Variants in AP2B1 observed in about 807,000 individuals in gnomAD.
AP2B1 encodes the protein AP-2 complex subunit beta.
A neutral mutation model predicts 102.0 loss-of-function variants in AP2B1; 23 were observed. The observed-to-expected ratio is 0.23, with a 90% CI of 0.16 to 0.32. AP2B1 has a LOEUF of 0.32. AP2B1 is among the 10% of genes least tolerant of loss of function. AP2B1 has a pLI of 1.00. For missense variants in AP2B1, 541 were observed against 1,157.4 expected (o/e 0.47, Z 7.73); for synonymous variants, 381 against 421.2 (o/e 0.90, Z 1.17).
rs587682857 is a variant in AP2B1, at chr17:35,683,985, T to G, written c.2454+1161T>G. 2.4e-4 allele frequency among the ~76,000 whole-genome samples: 37 copies of G among 152,326 alleles called. 2 individuals carry two copies. The South Asian group carries it at 7.5e-3, about 31-fold the overall frequency. ...CAATCAATGCCATAGATGAGTTATATATTCCAAATTTACACTACTTATGTA... is the reference window on the plus strand; with the variant it reads ...CAATCAATGCCATAGATGAGTTATAGATTCCAAATTTACACTACTTATGTA... On this transcript the variant is annotated intron_variant, in intron 18 of 21. Transcript: ENST00000610402.
chr17:35,715,619 C>A (rs9906309), intron 20 of AP2B1, among the ~76,000 whole-genome samples: 1 of 152,116 alleles, frequency 6.6e-6, no homozygotes, highest in African/African-American at 2.4e-5. Context: ...GCCTAGCAAC[C>A]CACTCAAAGC....
intron 17 of AP2B1, among the ~76,000 whole-genome samples, chr17:35,679,405 T>C (rs76568839): frequency 3.3e-5 from 5 of 151,464 alleles, no homozygotes; most frequent in African/African-American, 4.9e-5. Flanking sequence ...TTTTTTTTTT[T>C]CCAGCCTTAT....
At chr17:35,621,408 G>A (rs1336974118) in intron 5 of AP2B1, 2 of 884,720 alleles carry the variant, frequency 2.3e-6, no homozygotes, top group African/African-American at 1.8e-5. Flanking sequence ...CAGTCTGACT[G>A]TGGAGATTAG....
chr17:35,604,362 G>A (rs1341471352), intron 3 of AP2B1, among the ~76,000 whole-genome samples: 1 of 152,020 alleles, frequency 6.6e-6, no homozygotes, highest in Non-Finnish European at 1.5e-5. Context: ...TCCCACCATG[G>A]CCTCGCAAAG....
At chr17:35,650,957 A>G in intron 13 of AP2B1, 168 bp downstream of exon 13, 2 of 698,080 alleles carry the variant, frequency 2.9e-6, no homozygotes, top group East Asian at 2.8e-5. Flanking sequence ...CTACTACTAT[A>G]CAACCCCAGG....
chr17:35,703,766 C>T (rs1269308277), intron 18 of AP2B1, among the ~76,000 whole-genome samples: 1 of 152,080 alleles, frequency 6.6e-6, no homozygotes, highest in Admixed American at 6.5e-5. Context: ...ATAAGCTGTA[C>T]AGCAAATCTG....
At chr17:35,639,981 A>T (rs987994419) in intron 11 of AP2B1, among the ~76,000 whole-genome samples, 1 of 152,150 alleles carries the variant, frequency 6.6e-6, no homozygotes, top group African/African-American at 2.4e-5. Flanking sequence ...CAGTGGCAGG[A>T]TCTTGGCTCA....
intron 20 of AP2B1, among the ~76,000 whole-genome samples, chr17:35,710,963 TATG>T (rs1555587215): frequency 6.6e-6 from 1 of 152,170 alleles, no homozygotes; most frequent in Non-Finnish European, 1.5e-5. Flanking sequence ...CCACCTTTCA[TATG>T]ATGATACTAA....
chr17:35,623,068 G>A (rs1567834381), intron 5 of AP2B1, among the ~76,000 whole-genome samples: 2 of 150,840 alleles, frequency 1.3e-5, no homozygotes, highest in African/African-American at 2.4e-5. Context: ...CTTGTACAAA[G>A]CCACAATATA....
intron 18 of AP2B1, among the ~76,000 whole-genome samples, chr17:35,702,548 T>A (rs991207175): frequency 3.3e-5 from 5 of 152,204 alleles, no homozygotes; most frequent in Non-Finnish European, 7.3e-5. Context: ...TTGGTTTTTA[T>A]TCTGAGTGAG....
chr17:35,695,704 A>G (rs1421536179), intron 18 of AP2B1, among the ~76,000 whole-genome samples: 1 of 152,132 alleles, frequency 6.6e-6, no homozygotes, highest in Non-Finnish European at 1.5e-5. Flanking sequence ...TACTCTATAT[A>G]GTTTCAGTTG....
chr17:35,697,098 C>T (rs1039261527), intron 18 of AP2B1, among the ~76,000 whole-genome samples: 1 of 152,218 alleles, frequency 6.6e-6, no homozygotes, highest in Non-Finnish European at 1.5e-5. Flanking sequence ...AGCAGCCTTG[C>T]GTTCTATCCT....
At chr17:35,615,149 G>T (rs2073978824) in intron 5 of AP2B1, among the ~76,000 whole-genome samples, 4 of 152,286 alleles carry the variant, frequency 2.6e-5, no homozygotes, top group Admixed American at 2.0e-4. Context: ...TAGCACTGAG[G>T]CTTCAGAGCC....
intron 18 of AP2B1, among the ~76,000 whole-genome samples, chr17:35,706,071 A>G (rs1482938527): frequency 6.6e-6 from 1 of 152,148 alleles, no homozygotes; most frequent in African/African-American, 2.4e-5. Flanking sequence ...ATGTGTGGGT[A>G]TCCTAGCTCC....
intron 9 of AP2B1, among the ~76,000 whole-genome samples, chr17:35,634,559 T>G (rs1567862230): frequency 6.6e-6 from 1 of 152,230 alleles, no homozygotes; most frequent in Admixed American, 6.5e-5. Context: ...ACCTGTATTC[T>G]CTCATATTCT....
At chr17:35,676,718 A>C (rs959002727) in intron 17 of AP2B1, among the ~76,000 whole-genome samples, 1 of 152,170 alleles carries the variant, frequency 6.6e-6, no homozygotes, top group Non-Finnish European at 1.5e-5. Flanking sequence ...GCTGTGTAGT[A>C]GTGTCTCATT....
chr17:35,597,095 A>AC, intron 2 of AP2B1: 1 of 537,902 alleles, frequency 1.9e-6, no homozygotes, highest in South Asian at 1.8e-5. Context: ...CTCCGGGGCC[A>AC]CTGAGGCAGC....
At chr17:35,597,654 T>C (rs1042086684) in intron 2 of AP2B1, among the ~76,000 whole-genome samples, 2 of 152,212 alleles carry the variant, frequency 1.3e-5, no homozygotes, top group South Asian at 2.1e-4. Context: ...GACATTATGA[T>C]TTATTTGGCC....
intron 18 of AP2B1, among the ~76,000 whole-genome samples, chr17:35,695,014 C>T (rs587769943): frequency 6.6e-6 from 1 of 152,276 alleles, no homozygotes; most frequent in South Asian, 2.1e-4. Flanking sequence ...GAGACAGCAG[C>T]AACCAAGGGC....
Sources: allele counts gnomAD v4.1 joint callset (sites outside exome capture counted in the v4.1 genomes callset), GRCh38; gene constraint gnomAD v4.1.1; transcripts MANE v1.5; gene names NCBI Gene and HGNC (gene_info 2026-07-23, HGNC 2026-07-21).